FAM114A1: variants seen among roughly 807,000 people sequenced by gnomAD.
The protein encoded by FAM114A1 is family with sequence similarity 114 member A1, also known as protein NOXP20.
In FAM114A1, 62 loss-of-function variants were observed where a neutral mutation model predicts 64.3. The ratio of observed to expected loss-of-function variants is 0.96; its 90% CI spans 0.79 to 1.19. The LOEUF is 1.19. Ranked by LOEUF, FAM114A1 falls within the 50% of genes most tolerant of loss-of-function variation. The pLI is 0.00. For synonymous variants in FAM114A1, 254 were observed against 251.1 expected, an observed-to-expected ratio of 1.01 and a Z score of -0.11; for missense variants, 645 against 676.3, an observed-to-expected ratio of 0.95 and a Z score of 0.51.
chr4:38,938,168 G>T (rs1721268065), intron 13 of FAM114A1, among the ~76,000 whole-genome samples: 1 of 152,194 alleles, frequency 6.6e-6, no homozygotes, highest in South Asian at 2.1e-4. Context: ...TGGGTCACAT[G>T]TCCACCTTGG....
chr4:38,931,583 A>G lies in FAM114A1; in HGVS notation c.1294A>G (p.Lys432Glu). Residue 432 changes from lysine to glutamate, a missense_variant, in exon 11 of 15, where the codon AAG (lysine) becomes GAG (glutamate). Transcript: ENST00000358869. ...ATCTCAAGACCCTCAAGAAGACAAA[A>G]AGGAGGAAAAGAAAACTAAGACCAT... Reference protein sequence around the residue: ...EKSQDPQEDKKEEKKTKTIEE... With the variant: ...EKSQDPQEDKEEEKKTKTIEE... 6.2e-7 allele frequency: 1 copy of G among 1,613,460 alleles called. No individual in the cohort carries two copies. Among genetic ancestry groups the G allele is most frequent in the Non-Finnish European group, 8.5e-7 (1 of 1,179,826 alleles).
intron 13 of FAM114A1, 94 bp from the exon 14 acceptor site, chr4:38,940,874 A>T (rs561139884): frequency 1.5e-6 from 2 of 1,296,576 alleles, no homozygotes; most frequent in African/African-American, 2.9e-5. Flanking sequence ...CCTCTGCAAG[A>T]GATCCCTCAA....
At chr4:38,876,175 T>TC (rs1714613132) in intron 2 of FAM114A1, among the ~76,000 whole-genome samples, 1 of 146,638 alleles carries the variant, frequency 6.8e-6, no homozygotes, top group South Asian at 2.2e-4. Context: ...TTTTCTTTTT[T>TC]TTTTTTTTTT....
At chr4:38,897,612 G>C (rs1194335767) in intron 4 of FAM114A1, among the ~76,000 whole-genome samples, 5 of 152,110 alleles carry the variant, frequency 3.3e-5, no homozygotes. Context: ...CATGCCTTTG[G>C]ACAAGTTTGT....
At position 38,931,249 on chromosome 4, in the gene FAM114A1, C is replaced by T. The variant is rs570444179; in HGVS notation, c.1162-202C>T. Among the ~76,000 whole-genome samples the T allele has an allele frequency of 2.6e-5, 4 of 152,162 alleles. No homozygotes were observed. The East Asian group carries it at 5.8e-4, about 22-fold the overall frequency. ...GTTCTTTCCATACCTTCTGTTCTGT[C>T]CCTCTTTTCTACTTTATATTTACCA... On this transcript the variant is annotated intron_variant, in intron 10 of 14. Transcript: ENST00000358869.
intron 2 of FAM114A1, among the ~76,000 whole-genome samples, chr4:38,876,208 C>T (rs139614036): frequency 0.023 from 2,954 of 126,254 alleles, 103 homozygotes; most frequent in African/African-American, 0.085. Context: ...CTCGCTTTGT[C>T]GCCCAGGCTG....
At chr4:38,895,664 A>ATGG (rs1232755641) in intron 4 of FAM114A1, among the ~76,000 whole-genome samples, 1 of 152,176 alleles carries the variant, frequency 6.6e-6, no homozygotes, top group Non-Finnish European at 1.5e-5. Flanking sequence ...TCACTTAACA[A>ATGG]TGGGAATACC....
intron 7 of FAM114A1, among the ~76,000 whole-genome samples, chr4:38,913,718 T>C (rs2109714057): frequency 6.6e-6 from 1 of 152,310 alleles, no homozygotes; most frequent in South Asian, 2.1e-4. Context: ...TTGCAGTAAG[T>C]ATATGATGAC....
At chr4:38,924,683 A>T (rs972293666) in intron 9 of FAM114A1, among the ~76,000 whole-genome samples, 1 of 152,208 alleles carries the variant, frequency 6.6e-6, no homozygotes, top group Non-Finnish European at 1.5e-5. Context: ...GAGCATTAGT[A>T]TGTTCCTCCC....
At chr4:38,895,923 G>C (rs1276734985) in intron 4 of FAM114A1, among the ~76,000 whole-genome samples, 1 of 152,184 alleles carries the variant, frequency 6.6e-6, no homozygotes, top group Non-Finnish European at 1.5e-5. Flanking sequence ...CACTGTCATA[G>C]ATGTGGCCCG....
chr4:38,880,407 T>C (rs946219050), intron 3 of FAM114A1, among the ~76,000 whole-genome samples: 1 of 152,204 alleles, frequency 6.6e-6, no homozygotes, highest in Non-Finnish European at 1.5e-5. Flanking sequence ...TTCAAAAGTA[T>C]CTGGAGACAA....
At position 38,878,389 on chromosome 4, in the gene FAM114A1, C is replaced by G. The variant is rs1282144014; in HGVS notation, c.311C>G (p.Pro104Arg). 1.2e-6 allele frequency: 2 copies of G among 1,606,954 alleles called. No individual in the cohort carries two copies. Among genetic ancestry groups the G allele is most frequent in the Non-Finnish European group, 1.7e-6 (2 of 1,176,162 alleles). ...GATTCCGTCAGCCTTGAGGCAGAAC[C>G]CAGATCCGAAATACCCCTGCAAGAA... ...CIDSVSLEAE[P>R]RSEIPLQEQN... The change falls in exon 3 of 15, where the codon CCC becomes CGC. Residue 104 changes from proline (P) to arginine (R), a missense_variant. By Grantham distance (103) the Pro-to-Arg change is moderately radical (BLOSUM62 -2). Transcript: ENST00000358869.
chr4:38,873,091 A>G (rs1202395785), intron 2 of FAM114A1, among the ~76,000 whole-genome samples: 1 of 152,168 alleles, frequency 6.6e-6, no homozygotes, highest in African/African-American at 2.4e-5. Flanking sequence ...GTGGGTTTCT[A>G]TCGTTCTTTA....
chr4:38,890,254 T>A (rs1029553927), intron 3 of FAM114A1, among the ~76,000 whole-genome samples: 1 of 151,746 alleles, frequency 6.6e-6, no homozygotes, highest in African/African-American at 2.4e-5. Context: ...ATAGAAAAAA[T>A]CAGCCAGGCG....
At chr4:38,922,737 A>G (rs12498685) in intron 8 of FAM114A1, 33 bp from the exon 9 acceptor site, 363,355 of 1,588,274 alleles carry the variant, frequency 0.23, 43,923 homozygotes, top group Non-Finnish European at 0.25. Context: ...AGAAGAAAAG[A>G]TGACAGTCGT....
chr4:38,908,416 C>A (rs1259629077), intron 6 of FAM114A1, among the ~76,000 whole-genome samples, 176 bp from the exon 7 acceptor site: 13 of 152,060 alleles, frequency 8.5e-5, no homozygotes, highest in Non-Finnish European at 1.5e-4. Context: ...ATAACATATG[C>A]TTTTCCAAGG....
At chr4:38,918,389 G>A (rs1015030351) in intron 8 of FAM114A1, among the ~76,000 whole-genome samples, 1 of 152,128 alleles carries the variant, frequency 6.6e-6, no homozygotes, top group Non-Finnish European at 1.5e-5. Context: ...TTGTGGCTCC[G>A]CTAGGCCCGT....
intron 3 of FAM114A1, among the ~76,000 whole-genome samples, chr4:38,890,511 C>A (rs1231599328): frequency 6.6e-6 from 1 of 152,114 alleles, no homozygotes; most frequent in African/African-American, 2.4e-5. Flanking sequence ...GAATTTTCCA[C>A]TGCCTCCTTA....
intron 2 of FAM114A1, among the ~76,000 whole-genome samples, chr4:38,871,096 T>C (rs1714033403): frequency 6.9e-6 from 1 of 145,068 alleles, no homozygotes; most frequent in Admixed American, 6.9e-5. Context: ...CTTTTTTTTT[T>C]TTTTTTTTTT....
Sources: allele counts gnomAD v4.1 joint callset (sites outside exome capture counted in the v4.1 genomes callset), GRCh38; gene constraint gnomAD v4.1.1; transcripts MANE v1.5; gene names NCBI Gene and HGNC (gene_info 2026-07-23, HGNC 2026-07-21).